Variants in CACNA2D3 observed in about 807,000 individuals in gnomAD.
CACNA2D3 encodes the protein calcium voltage-gated channel auxiliary subunit alpha2delta 3, also known as voltage-dependent calcium channel subunit alpha-2/delta-3.
In CACNA2D3, 60 loss-of-function variants were observed where a neutral mutation model predicts 160.6. That is an observed-to-expected ratio of 0.37 (90% CI 0.30 to 0.46). CACNA2D3 has a LOEUF of 0.46. CACNA2D3 is among the 20% of genes least tolerant of loss of function. CACNA2D3 has a pLI of 1.00. For missense variants in CACNA2D3, 1,205 were observed against 1,365.0 expected (o/e 0.88, Z 1.85); for synonymous variants, 558 against 492.9 (o/e 1.13, Z -1.75).
intron 4 of CACNA2D3, among the ~76,000 whole-genome samples, chr3:54,486,861 G>A (rs570427407): frequency 2.0e-5 from 3 of 152,238 alleles, no homozygotes; most frequent in Admixed American, 1.3e-4. Flanking sequence ...TTCTAGTTCT[G>A]AAACAAGGGA....
chr3:54,514,193 G>T (rs769375273), intron 5 of CACNA2D3, among the ~76,000 whole-genome samples: 1 of 152,158 alleles, frequency 6.6e-6, no homozygotes, highest in Non-Finnish European at 1.5e-5. Context: ...AATGCCAATG[G>T]GTACCAACTG....
At chr3:54,832,941 C>T (rs1703911245) in intron 14 of CACNA2D3, among the ~76,000 whole-genome samples, 1 of 152,174 alleles carries the variant, frequency 6.6e-6, no homozygotes, top group Non-Finnish European at 1.5e-5. Context: ...TCTCTGGGGT[C>T]ATGCCCTAGG....
At position 54,403,836 on chromosome 3, in the gene CACNA2D3, C is replaced by T. The variant is rs555072302; in HGVS notation, c.381+17062C>T. Among the ~76,000 whole-genome samples, 8 of 152,170 alleles carry T rather than the reference C, an allele frequency of 5.3e-5. No homozygotes were observed. The South Asian group carries it at 1.5e-3, about 28-fold the overall frequency. On this transcript the variant is annotated intron_variant, in intron 4 of 37. Coordinates refer to ENST00000474759, the MANE Select transcript of CACNA2D3 (RefSeq NM_018398.3). Reference sequence around the variant, plus strand: ...TAACAGAAGCCTCAGAAATAAAAAGCTTCATAAGTAACTATTAAGAACAAT... The same window carrying T: ...TAACAGAAGCCTCAGAAATAAAAAGTTTCATAAGTAACTATTAAGAACAAT...
intron 11 of CACNA2D3, among the ~76,000 whole-genome samples, chr3:54,681,000 CTGT>C (rs1559547668): frequency 1.3e-5 from 2 of 152,038 alleles, no homozygotes; most frequent in Non-Finnish European, 2.9e-5. Context: ...TGTGAGAACT[CTGT>C]TGTTAAGAGA....
chr3:54,524,466 T>C (rs1020631071), intron 5 of CACNA2D3, among the ~76,000 whole-genome samples: 1 of 152,078 alleles, frequency 6.6e-6, no homozygotes, highest in African/African-American at 2.4e-5. Context: ...GAGAAGAATG[T>C]GTAATGTATT....
intron 4 of CACNA2D3, among the ~76,000 whole-genome samples, chr3:54,466,118 G>A (rs896296334): frequency 2.0e-5 from 3 of 152,090 alleles, no homozygotes; most frequent in South Asian, 2.1e-4. Context: ...CTTTTGAATC[G>A]GGTTCACATC....
chr3:54,997,676 T>G (rs1413196085), intron 31 of CACNA2D3, among the ~76,000 whole-genome samples: 2 of 152,092 alleles, frequency 1.3e-5, no homozygotes, highest in African/African-American at 2.4e-5. Flanking sequence ...CAGTGAGCTA[T>G]GTGCCACTGC....
chr3:54,675,781 G>A (rs566724298), intron 11 of CACNA2D3, among the ~76,000 whole-genome samples: 1 of 152,160 alleles, frequency 6.6e-6, no homozygotes, highest in Non-Finnish European at 1.5e-5. Context: ...GCACCCCTCT[G>A]AAGAGTGACG....
rs538622002 is a variant in CACNA2D3, at chr3:54,154,015, T to C, written c.204+30421T>C. Among the ~76,000 whole-genome samples the C allele has an allele frequency of 2.0e-3, 300 of 152,360 alleles. 7 individuals are homozygous for C. The South Asian group carries it at 0.059, about 30-fold the overall frequency. On this transcript the variant is annotated intron_variant, in intron 2 of 37. Coordinates refer to ENST00000474759, the MANE Select transcript of CACNA2D3 (RefSeq NM_018398.3). ...ATAATCAATAATTGAATTCTAGACC[T>C]AGTCCTAGCTTTTTAGCTGCAAAAT...
intron 31 of CACNA2D3, among the ~76,000 whole-genome samples, chr3:54,995,259 C>G (rs1186762535): frequency 6.6e-6 from 1 of 152,132 alleles, no homozygotes; most frequent in East Asian, 1.9e-4. Context: ...CAGGTGTGAG[C>G]CACTGCACCT....
At chr3:54,811,465 CTTTTT>C (rs71096451) in intron 13 of CACNA2D3, among the ~76,000 whole-genome samples, 10 of 111,536 alleles carry the variant, frequency 9.0e-5, no homozygotes, top group Admixed American at 3.0e-4. Context: ...TCCCTCAGTT[CTTTTT>C]TTTTTTTTTT....
intron 35 of CACNA2D3, among the ~76,000 whole-genome samples, chr3:55,064,481 T>C (rs1469493970): frequency 6.6e-6 from 1 of 152,106 alleles, no homozygotes; most frequent in African/African-American, 2.4e-5. Flanking sequence ...CCTGGGGAGA[T>C]GGAGGAGAGT....
At chr3:54,644,465 A>C (rs1699593464) in intron 11 of CACNA2D3, among the ~76,000 whole-genome samples, 1 of 152,112 alleles carries the variant, frequency 6.6e-6, no homozygotes. Flanking sequence ...CAGGTAATCA[A>C]CTCGCATAAA....
intron 11 of CACNA2D3, among the ~76,000 whole-genome samples, chr3:54,683,540 A>G (rs906245827): frequency 6.6e-6 from 1 of 152,312 alleles, no homozygotes. Flanking sequence ...AATTACCAAT[A>G]CTTAGGTCAA....
intron 4 of CACNA2D3, among the ~76,000 whole-genome samples, chr3:54,502,872 A>T (rs890944412): frequency 1.3e-5 from 2 of 152,218 alleles, no homozygotes; most frequent in African/African-American, 4.8e-5. Context: ...ATGATGATAT[A>T]GCCATTTGTA....
At chr3:54,561,576 C>T (rs1183941368) in intron 5 of CACNA2D3, among the ~76,000 whole-genome samples, 2 of 152,132 alleles carry the variant, frequency 1.3e-5, no homozygotes, top group East Asian at 3.9e-4. Context: ...ATTTCTTTCT[C>T]TTGCCTGATT....
intron 26 of CACNA2D3, among the ~76,000 whole-genome samples, chr3:54,897,362 A>G (rs1700215342): frequency 6.6e-6 from 1 of 152,198 alleles, no homozygotes; most frequent in African/African-American, 2.4e-5. Flanking sequence ...CATGTAGCCG[A>G]TTAGTTTTTC....
intron 24 of CACNA2D3, among the ~76,000 whole-genome samples, 175 bp from the exon 25 acceptor site, chr3:54,891,180 C>T (rs1328614830): frequency 3.5e-5 from 5 of 141,900 alleles, no homozygotes; most frequent in South Asian, 4.8e-4. Context: ...AATCTGTGCT[C>T]GTGTGTGTGT....
intron 2 of CACNA2D3, among the ~76,000 whole-genome samples, chr3:54,265,530 A>ATGTGTG (rs59375998): frequency 2.2e-3 from 300 of 134,848 alleles, no homozygotes; most frequent in African/African-American, 5.1e-3. Context: ...AACTTAAAGT[A>ATGTGTG]TGTGTGTGTG....
Sources: gnomAD v4.1 joint callset for allele counts (sites outside exome capture counted in the v4.1 genomes callset) on GRCh38, gnomAD v4.1.1 for gene constraint, MANE v1.5 for transcripts, NCBI Gene and HGNC (gene_info 2026-07-23, HGNC 2026-07-21) for gene names.